The following BABAM2 variants were observed in gnomAD, a reference collection of about 807,000 sequenced individuals.
The protein encoded by BABAM2 is BRISC and BRCA1 A complex member 2, also known as BRISC and BRCA1-A complex member 2.
In BABAM2, 31 loss-of-function variants were observed where a neutral mutation model predicts 54.7. That is an observed-to-expected ratio of 0.57 (90% CI 0.43 to 0.77). The LOEUF is 0.77. Among genes scored for constraint, BABAM2 ranks in the 30% least tolerant of loss-of-function variants. The pLI is 0.00. For missense variants in BABAM2, 364 were observed against 455.8 expected (o/e 0.80, Z 1.83); for synonymous variants, 167 against 162.9 (o/e 1.03, Z -0.19).
intron 2 of BABAM2, among the ~76,000 whole-genome samples, chr2:27,900,040 G>A (rs1348035830): frequency 2.0e-5 from 3 of 152,042 alleles, no homozygotes; most frequent in African/African-American, 4.8e-5. Flanking sequence ...TGAATTTCTC[G>A]TTTCTGTAAC....
intron 2 of BABAM2, among the ~76,000 whole-genome samples, chr2:27,905,271 G>A (rs572284793): frequency 8.1e-4 from 124 of 152,260 alleles, no homozygotes; most frequent in African/African-American, 3.0e-3. Context: ...GATTGGATAG[G>A]GGTTGGAACA....
At chr2:27,896,329 C>A in intron 2 of BABAM2, 1 of 156,482 alleles carries the variant, frequency 6.4e-6, no homozygotes, top group South Asian at 2.0e-4. Context: ...ATTGTCTAGT[C>A]TGGTCAGTAT....
chr2:28,307,596 AT>A (rs1408437937), intron 11 of BABAM2: 1 of 152,228 alleles, frequency 6.6e-6, no homozygotes, highest in East Asian at 1.9e-4. Flanking sequence ...TGCTTCCTGT[AT>A]AAACAGTGTA....
chr2:27,894,812 A>G lies in BABAM2; in HGVS notation c.128+128A>G. 4 of 1,075,724 alleles carry G rather than the reference A, an allele frequency of 3.7e-6. No homozygotes were observed. The South Asian group carries it at 6.4e-5, about 17-fold the overall frequency. The allele number at this position is 1,075,724 out of a possible 1,614,324, so 66.6% of individuals were successfully genotyped here. On this transcript the variant is annotated intron_variant, in intron 2 of 11. Coordinates refer to ENST00000379624, the MANE Select transcript of BABAM2 (RefSeq NM_199191.3). ...ACCCACCAAGTCATCATCTCATCAT[A>G]TGTTGATTCAGTTGGTTTTGTTCAG...
chr2:28,295,430 C>T (rs1202869618), intron 10 of BABAM2, among the ~76,000 whole-genome samples: 1 of 152,042 alleles, frequency 6.6e-6, no homozygotes, highest in African/African-American at 2.4e-5. Flanking sequence ...GGAGGTTACT[C>T]TCAACCTTGT....
chr2:28,053,206 TTAAA>T (rs1277398284), intron 6 of BABAM2, among the ~76,000 whole-genome samples: 2 of 152,228 alleles, frequency 1.3e-5, no homozygotes, highest in Non-Finnish European at 2.9e-5. Context: ...AAACCACAGA[TTAAA>T]TAACTCCTCT....
chr2:28,129,584 G>C (rs1309489395), intron 7 of BABAM2, among the ~76,000 whole-genome samples: 1 of 152,120 alleles, frequency 6.6e-6, no homozygotes. Context: ...AAGTGTTATT[G>C]TGCATTTAGT....
chr2:28,277,144 C>T (rs1558493997), intron 10 of BABAM2, among the ~76,000 whole-genome samples: 1 of 152,188 alleles, frequency 6.6e-6, no homozygotes, highest in South Asian at 2.1e-4. Context: ...CTGGCTCCAT[C>T]GCCCAGGCTG....
At chr2:28,090,777 A>G (rs1258544073) in intron 6 of BABAM2, among the ~76,000 whole-genome samples, 3 of 152,250 alleles carry the variant, frequency 2.0e-5, no homozygotes, top group Admixed American at 2.0e-4. Flanking sequence ...AGGGGTTAGT[A>G]GCGTTATTTT....
At chr2:28,226,549 G>C (rs893553012) in intron 7 of BABAM2, among the ~76,000 whole-genome samples, 2 of 152,162 alleles carry the variant, frequency 1.3e-5, no homozygotes, top group South Asian at 4.1e-4. Flanking sequence ...GGGGGGAGAT[G>C]ATGAGTGAAT....
At chr2:28,081,452 T>C (rs886344252) in intron 6 of BABAM2, among the ~76,000 whole-genome samples, 1 of 152,224 alleles carries the variant, frequency 6.6e-6, no homozygotes, top group Non-Finnish European at 1.5e-5. Flanking sequence ...ATCAAATTAC[T>C]TGGTACAGAA....
At chr2:28,314,643 G>A (rs1345545277) in intron 11 of BABAM2, among the ~76,000 whole-genome samples, 2 of 152,206 alleles carry the variant, frequency 1.3e-5, no homozygotes, top group African/African-American at 2.4e-5. Flanking sequence ...TGTTAGGTAC[G>A]ATGTTAAGTG....
At chr2:28,045,330 T>C (rs574912069) in intron 5 of BABAM2, among the ~76,000 whole-genome samples, 6 of 152,318 alleles carry the variant, frequency 3.9e-5, no homozygotes, top group Non-Finnish European at 7.3e-5. Flanking sequence ...TTTATAAATA[T>C]TAGTGATGTG....
chr2:28,192,770 C>T (rs1034515392), intron 7 of BABAM2, among the ~76,000 whole-genome samples: 1 of 151,926 alleles, frequency 6.6e-6, no homozygotes, highest in Non-Finnish European at 1.5e-5. Context: ...GATCCGCCCA[C>T]CTGGGCCTCC....
At chr2:27,922,939 A>T (rs1387269095) in intron 2 of BABAM2, among the ~76,000 whole-genome samples, 8 of 152,204 alleles carry the variant, frequency 5.3e-5, no homozygotes. Flanking sequence ...TAATGTAGCC[A>T]GTAGCTTTTT....
chr2:27,974,514 A>C (rs1041731285), intron 3 of BABAM2, among the ~76,000 whole-genome samples: 1 of 152,152 alleles, frequency 6.6e-6, no homozygotes, highest in East Asian at 1.9e-4. Flanking sequence ...CTGTATGATC[A>C]TATCAATGGA....
intron 7 of BABAM2, among the ~76,000 whole-genome samples, chr2:28,235,250 A>G (rs1004743649): frequency 1.3e-5 from 2 of 152,148 alleles, no homozygotes; most frequent in Admixed American, 1.3e-4. Flanking sequence ...ATCTCTGCTC[A>G]CTGCAACCTC....
intron 5 of BABAM2, among the ~76,000 whole-genome samples, chr2:28,031,874 T>C (rs1676316220): frequency 6.6e-6 from 1 of 152,162 alleles, no homozygotes; most frequent in South Asian, 2.1e-4. Context: ...ATATGGGGAA[T>C]AGAATTGTAA....
chr2:28,222,919 G>A (rs1055784992), intron 7 of BABAM2, among the ~76,000 whole-genome samples: 4 of 152,182 alleles, frequency 2.6e-5, no homozygotes, highest in South Asian at 2.1e-4. Flanking sequence ...CTGCTTCCCC[G>A]CAGGCCCGCC....
Sources: gnomAD v4.1 joint callset for allele counts (sites outside exome capture counted in the v4.1 genomes callset) on GRCh38, gnomAD v4.1.1 for gene constraint, MANE v1.5 for transcripts, NCBI Gene and HGNC (gene_info 2026-07-23, HGNC 2026-07-21) for gene names.